Variants in FOXP2 observed in about 807,000 individuals in gnomAD.
FOXP2 encodes forkhead box P2, also known as forkhead box protein P2.
In FOXP2, 12 loss-of-function variants were observed where a neutral mutation model predicts 115.8. The observed-to-expected ratio is 0.10, with a 90% CI of 0.07 to 0.17. The LOEUF is 0.17. Ranked by LOEUF, FOXP2 falls within the 10% of genes least tolerant of loss-of-function variation. FOXP2 has a pLI of 1.00. For synonymous variants in FOXP2, 328 were observed against 297.7 expected, an observed-to-expected ratio of 1.10 and a Z score of -1.05; for missense variants, 629 against 843.5, an observed-to-expected ratio of 0.75 and a Z score of 3.15.
intron 2 of FOXP2, among the ~76,000 whole-genome samples, chr7:114,446,585 A>G (rs1028203368): frequency 1.3e-5 from 2 of 152,126 alleles, no homozygotes; most frequent in East Asian, 1.9e-4. Flanking sequence ...CTTTAAATAT[A>G]CCAATATTAT....
chr7:114,665,224 T>C (rs1807100700), intron 16 of FOXP2: 5 of 152,130 alleles, frequency 3.3e-5, no homozygotes, highest in African/African-American at 4.8e-5. Context: ...TTTACTAAAA[T>C]GTATTGACCG....
intron 2 of FOXP2, among the ~76,000 whole-genome samples, 191 bp downstream of exon 2, chr7:114,426,870 C>T (rs1793878712): frequency 6.6e-6 from 1 of 151,612 alleles, no homozygotes; most frequent in Non-Finnish European, 1.5e-5. Context: ...CATACCAGTA[C>T]CAGAGTACCC....
intron 2 of FOXP2, among the ~76,000 whole-genome samples, chr7:114,331,539 G>A (rs909004279): frequency 5.9e-5 from 9 of 152,150 alleles, no homozygotes; most frequent in African/African-American, 2.2e-4. Context: ...TGGATTGGCT[G>A]TGGAGGAAAA....
intron 1 of FOXP2, among the ~76,000 whole-genome samples, chr7:114,149,127 TA>T (rs1792463679): frequency 6.6e-6 from 1 of 152,118 alleles, no homozygotes; most frequent in Non-Finnish European, 1.5e-5. Context: ...AAGAACTCTT[TA>T]AATATCCTAA....
At chr7:114,317,667 C>T (rs1247001816) in intron 2 of FOXP2, among the ~76,000 whole-genome samples, 2 of 152,136 alleles carry the variant, frequency 1.3e-5, no homozygotes, top group Non-Finnish European at 1.5e-5. Context: ...TTTTAAAATT[C>T]AAATCATGTC....
At chr7:114,241,977 TAC>T (rs1795166443) in intron 1 of FOXP2, among the ~76,000 whole-genome samples, 1 of 149,984 alleles carries the variant, frequency 6.7e-6, no homozygotes, top group African/African-American at 2.5e-5. Context: ...TCTTCCAATT[TAC>T]ACAGAGTCCT....
chr7:114,486,480 C>T (rs1252934192), intron 2 of FOXP2, among the ~76,000 whole-genome samples: 1 of 152,046 alleles, frequency 6.6e-6, no homozygotes, highest in East Asian at 1.9e-4. Context: ...ACCCCTGGCC[C>T]CTCCCAAATC....
chr7:114,376,491 G>A (rs767683588), intron 2 of FOXP2, among the ~76,000 whole-genome samples: 4 of 152,180 alleles, frequency 2.6e-5, no homozygotes, highest in African/African-American at 4.8e-5. Flanking sequence ...CATTCTTTCC[G>A]TAAAAAGTCA....
At chr7:114,270,709 CA>C (rs1384370494) in intron 1 of FOXP2, among the ~76,000 whole-genome samples, 4 of 152,034 alleles carry the variant, frequency 2.6e-5, no homozygotes, top group Non-Finnish European at 4.4e-5. Flanking sequence ...TTTTGCTTAA[CA>C]GTCCTTTATT....
intron 2 of FOXP2, among the ~76,000 whole-genome samples, chr7:114,400,958 G>A (rs1051893950): frequency 6.6e-6 from 1 of 151,952 alleles, no homozygotes; most frequent in South Asian, 2.1e-4. Context: ...GGGGTCAGTG[G>A]GTGAAAAATT....
At chr7:114,186,480 CTT>C (rs1223261572) in intron 1 of FOXP2, among the ~76,000 whole-genome samples, 2 of 152,120 alleles carry the variant, frequency 1.3e-5, no homozygotes, top group Non-Finnish European at 2.9e-5. Context: ...TTCTTTGTCT[CTT>C]TGTCCCACCT....
intron 1 of FOXP2, among the ~76,000 whole-genome samples, chr7:114,220,252 TA>T (rs896445695): frequency 8.6e-5 from 13 of 151,412 alleles, no homozygotes; most frequent in African/African-American, 3.2e-4. Flanking sequence ...TATTGCAATA[TA>T]AAAAAAATAA....
At chr7:114,329,644 TTTTATTTATTTATTTATTTA>T (rs138684494) in intron 2 of FOXP2, among the ~76,000 whole-genome samples, 72,240 of 147,450 alleles carry the variant, frequency 0.49, 17,789 homozygotes, top group East Asian at 0.57. Flanking sequence ...ACTATGTAAG[TTTTATTTATTTATTTATTTA>T]TTTATTTATT....
chr7:114,439,498 TG>T, intron 2 of FOXP2, among the ~76,000 whole-genome samples: 1 of 152,198 alleles, frequency 6.6e-6, no homozygotes. Context: ...AATATAAACG[TG>T]GTATTATAGC....
At chr7:114,099,393 C>A (rs1799725446) in intron 1 of FOXP2, among the ~76,000 whole-genome samples, 1 of 152,128 alleles carries the variant, frequency 6.6e-6, no homozygotes, top group African/African-American at 2.4e-5. Context: ...TGCTTCTGTG[C>A]AGAAAAGGCA....
Position 114,112,089 on chromosome 7 carries a change from A to G in FOXP2, c.-247+24251A>G, listed in dbSNP as rs541972909. 1.5e-4 allele frequency among the ~76,000 whole-genome samples: 23 copies of G among 152,172 alleles called. 1 individual carries two copies. Among genetic ancestry groups the G allele is most frequent in the Admixed American group, 7.9e-4 (12 of 15,274 alleles). ...TGTAAGACTTTATGGGCGTAATGCA[A>G]TTATACTTTGTCACTAGTGTACAAG... On this transcript the variant is annotated intron_variant, in intron 1 of 19. Coordinates refer to the FOXP2 transcript ENST00000635638.
intron 1 of FOXP2, among the ~76,000 whole-genome samples, chr7:114,197,174 G>A (rs906510259): frequency 1.4e-5 from 2 of 138,440 alleles, no homozygotes; most frequent in Non-Finnish European, 3.2e-5. Context: ...CTCCAGCCTC[G>A]ACTACACAGT....
At chr7:114,383,921 T>G (rs1280402467) in intron 2 of FOXP2, among the ~76,000 whole-genome samples, 1 of 152,188 alleles carries the variant, frequency 6.6e-6, no homozygotes, top group Non-Finnish European at 1.5e-5. Context: ...CCTCTGCTTA[T>G]CAGATTAGTG....
At chr7:114,216,942 T>G (rs930773934) in intron 1 of FOXP2, among the ~76,000 whole-genome samples, 6 of 152,192 alleles carry the variant, frequency 3.9e-5, no homozygotes, top group African/African-American at 7.2e-5. Flanking sequence ...AATATTCTGA[T>G]TTGATAATTT....
Sources: allele counts gnomAD v4.1 joint callset (sites outside exome capture counted in the v4.1 genomes callset), GRCh38; gene constraint gnomAD v4.1.1; transcripts MANE v1.5; gene names NCBI Gene and HGNC (gene_info 2026-07-23, HGNC 2026-07-21).